HDAC8: variants seen among roughly 807,000 people sequenced by gnomAD.
HDAC8 encodes the protein histone deacetylase-like 1.
HDAC8 carries 1 observed loss-of-function variant against 32.2 expected under a neutral mutation model. That is an observed-to-expected ratio of 0.03 (90% CI 0.01 to 0.15). The LOEUF (loss-of-function observed/expected upper bound fraction) is 0.15. HDAC8 is among the 10% of genes least tolerant of loss of function. The probability of loss-of-function intolerance (pLI) is 1.00; values close to 1 mark genes in which losing one functional copy is unlikely to be tolerated. For synonymous variants in HDAC8, 108 were observed against 113.9 expected (o/e 0.95, Z 0.33); for missense variants, 117 against 300.0 (o/e 0.39, Z 4.51).
chrX:72,515,935 C>A (rs145341197), intron 4 of HDAC8, among the ~76,000 whole-genome samples: 33 of 111,891 alleles, frequency 2.9e-4, no homozygotes, highest in Middle Eastern at 4.6e-3. Context: ...AAAAAACTTC[C>A]CTGGTCTGAG....
At chrX:72,422,187 C>T (rs1555973840) in intron 9 of HDAC8, among the ~76,000 whole-genome samples, 1 of 110,924 alleles carries the variant, frequency 9.0e-6, no homozygotes, top group African/African-American at 3.3e-5. Context: ...CTCTTGGATC[C>T]TTATGTTCAA....
intron 7 of HDAC8, among the ~76,000 whole-genome samples, chrX:72,478,293 A>G (rs2048394639): frequency 8.9e-6 from 1 of 112,596 alleles, no homozygotes; most frequent in Non-Finnish European, 1.9e-5. Flanking sequence ...AATTACTAGC[A>G]TGTCCAGTGC....
At chrX:72,546,605 G>C (rs1432764758) in intron 4 of HDAC8, among the ~76,000 whole-genome samples, 1 of 110,991 alleles carries the variant, frequency 9.0e-6, no homozygotes, top group East Asian at 2.9e-4. Context: ...TAATGTCATG[G>C]ATAGGGTTAG....
intron 4 of HDAC8, among the ~76,000 whole-genome samples, chrX:72,534,913 T>C (rs782409448): frequency 2.7e-5 from 3 of 112,049 alleles, no homozygotes; most frequent in African/African-American, 6.5e-5. Flanking sequence ...CTCTGAAATA[T>C]CTTTTTATAA....
chrX:72,572,417 AC>A (rs1398206075), intron 1 of HDAC8: 1 of 356,477 alleles, frequency 2.8e-6, no homozygotes, highest in Non-Finnish European at 4.8e-6. Context: ...CCTCCTCCGT[AC>A]CCCCTCCCCC....
intron 5 of HDAC8, 92 bp from the exon 6 acceptor site, chrX:72,491,098 G>T: frequency 1.7e-6 from 1 of 589,262 alleles, no homozygotes; most frequent in East Asian, 3.5e-5. Context: ...GTGAGAAGGA[G>T]GGTAGATGAG....
At chrX:72,519,397 C>T (rs903552362) in intron 4 of HDAC8, among the ~76,000 whole-genome samples, 5 of 111,717 alleles carry the variant, frequency 4.5e-5, no homozygotes, top group South Asian at 3.8e-4. Flanking sequence ...CCAAAGTAGC[C>T]GTACCATTCT....
intron 7 of HDAC8, chrX:72,474,356 A>G: frequency 1.2e-6 from 1 of 807,602 alleles, no homozygotes; most frequent in Non-Finnish European, 1.5e-6. Context: ...TCAATACTTT[A>G]TACATAGTAG....
At chrX:72,507,986 G>T (rs1249816217) in intron 4 of HDAC8, among the ~76,000 whole-genome samples, 1 of 111,820 alleles carries the variant, frequency 8.9e-6, no homozygotes, top group Non-Finnish European at 1.9e-5. Flanking sequence ...ACGACATCAA[G>T]AAATTTATGT....
intron 6 of HDAC8, among the ~76,000 whole-genome samples, chrX:72,489,853 T>C (rs1248357478): frequency 2.7e-5 from 3 of 111,022 alleles, no homozygotes; most frequent in African/African-American, 9.8e-5. Flanking sequence ...AACCTACTCA[T>C]CTGACAAAGG....
At chrX:72,385,935 A>G (rs781831778) in intron 9 of HDAC8, among the ~76,000 whole-genome samples, 360 of 112,308 alleles carry the variant, frequency 3.2e-3, no homozygotes, top group Non-Finnish European at 5.4e-3. Context: ...TTGAAAAGGC[A>G]CAGACCTCAT....
chrX:72,368,333 T>TTCCC (rs1555955112), intron 9 of HDAC8, among the ~76,000 whole-genome samples: 1 of 105,683 alleles, frequency 9.5e-6, no homozygotes, highest in Non-Finnish European at 1.9e-5. Context: ...GAGTTCCTCA[T>TTCCC]TCCCTCCCGT....
intron 4 of HDAC8, 76 bp from the exon 5 acceptor site, chrX:72,495,344 C>T: frequency 1.7e-6 from 1 of 591,633 alleles, no homozygotes; most frequent in Non-Finnish European, 2.7e-6. Context: ...GGATCTAACC[C>T]TTGAGATCTA....
chrX:72,339,578 T>C (rs2043834076), intron 10 of HDAC8, among the ~76,000 whole-genome samples: 1 of 111,727 alleles, frequency 9.0e-6, no homozygotes, highest in Non-Finnish European at 1.9e-5. Flanking sequence ...GAGGTCAGGA[T>C]ACAGGATGAA....
At chrX:72,502,126 T>C (rs1167735386) in intron 4 of HDAC8, among the ~76,000 whole-genome samples, 1 of 111,616 alleles carries the variant, frequency 9.0e-6, no homozygotes, top group African/African-American at 3.3e-5. Flanking sequence ...AAATAATACA[T>C]GCTGGCGAGG....
chrX:72,437,278 C>T (rs1438071940), intron 9 of HDAC8, among the ~76,000 whole-genome samples: 16 of 111,764 alleles, frequency 1.4e-4, no homozygotes, highest in African/African-American at 3.6e-4. Flanking sequence ...CCATGAGGGA[C>T]TGTGCCGTGA....
At chrX:72,505,875 G>T (rs1556018819) in intron 4 of HDAC8, among the ~76,000 whole-genome samples, 1 of 111,594 alleles carries the variant, frequency 9.0e-6, no homozygotes, top group East Asian at 2.8e-4. Context: ...TTGTTAACTT[G>T]TCCAAATTGT....
intron 9 of HDAC8, among the ~76,000 whole-genome samples, chrX:72,443,483 C>T (rs1425202323): frequency 1.8e-5 from 2 of 111,171 alleles, no homozygotes; most frequent in Non-Finnish European, 3.8e-5. Flanking sequence ...TTCTTTGAAA[C>T]CAAGGAGAAC....
intron 9 of HDAC8, among the ~76,000 whole-genome samples, chrX:72,423,447 T>G (rs1479919207): frequency 2.7e-5 from 3 of 111,993 alleles, no homozygotes; most frequent in Non-Finnish European, 5.6e-5. Context: ...TGTTTTTCAA[T>G]TTTTTATATG....
Sources: allele counts gnomAD v4.1 joint callset (sites outside exome capture counted in the v4.1 genomes callset), GRCh38; gene constraint gnomAD v4.1.1; transcripts MANE v1.5; gene names NCBI Gene and HGNC (gene_info 2026-07-23, HGNC 2026-07-21).